Variants in CEP170 observed in about 807,000 individuals in gnomAD.
CEP170 encodes the protein centrosomal protein 170.
In CEP170, 21 loss-of-function variants were observed where a neutral mutation model predicts 151.9. The ratio of observed to expected loss-of-function variants is 0.14; its 90% CI spans 0.10 to 0.20. CEP170 has a LOEUF of 0.20. CEP170 is among the 10% of genes least tolerant of loss of function. CEP170 has a pLI of 1.00. For missense variants in CEP170, 964 were observed against 1,892.9 expected (o/e 0.51, Z 9.11); for synonymous variants, 356 against 648.8 (o/e 0.55, Z 6.86).
chr1:243,161,672 T>C (rs1257536051), intron 13 of CEP170, among the ~76,000 whole-genome samples: 2 of 151,956 alleles, frequency 1.3e-5, no homozygotes, highest in East Asian at 3.9e-4. Flanking sequence ...AAATATGGAA[T>C]TGGAAACATT....
chr1:243,136,410 C>T (rs998765087), intron 16 of CEP170, 179 bp from the exon 17 acceptor site: 6 of 863,252 alleles, frequency 7.0e-6, no homozygotes, highest in Non-Finnish European at 1.0e-5. Flanking sequence ...GAAAGAAACA[C>T]TATTAACAAA....
intron 3 of CEP170, among the ~76,000 whole-genome samples, chr1:243,214,994 A>G (rs2062140791): frequency 6.6e-6 from 1 of 152,244 alleles, no homozygotes; most frequent in South Asian, 2.1e-4. Flanking sequence ...GCAGAAGAAC[A>G]TAAATTGTGA....
At chr1:243,171,042 G>A (rs1230725707) in intron 11 of CEP170, among the ~76,000 whole-genome samples, 1 of 152,144 alleles carries the variant, frequency 6.6e-6, no homozygotes, top group African/African-American at 2.4e-5. Flanking sequence ...GGTAATGTTA[G>A]GTAATTCCTA....
chr1:243,168,905 C>T (rs1054366290), intron 12 of CEP170, among the ~76,000 whole-genome samples: 10 of 151,524 alleles, frequency 6.6e-5, no homozygotes, highest in African/African-American at 2.4e-4. Flanking sequence ...ACTAAATGTA[C>T]CACATGAAGT....
intron 7 of CEP170, among the ~76,000 whole-genome samples, chr1:243,198,510 T>A (rs954035316): frequency 6.6e-6 from 1 of 152,072 alleles, no homozygotes; most frequent in African/African-American, 2.4e-5. Context: ...AATGTTCATT[T>A]AAAAATATGA....
intron 10 of CEP170, among the ~76,000 whole-genome samples, chr1:243,180,470 T>C (rs192634735): frequency 2.0e-4 from 31 of 152,308 alleles, no homozygotes; most frequent in Admixed American, 1.2e-3. Context: ...AAATTCTCAA[T>C]ACAGAAAAAA....
chr1:243,251,135 C>T (rs2065899971), intron 1 of CEP170, among the ~76,000 whole-genome samples: 1 of 152,300 alleles, frequency 6.6e-6, no homozygotes, highest in African/African-American at 2.4e-5. Context: ...ATAGTAAAAG[C>T]AGCTACTAGC....
chr1:243,230,339 G>A (rs1260900528), intron 1 of CEP170, among the ~76,000 whole-genome samples: 1 of 131,812 alleles, frequency 7.6e-6, no homozygotes, highest in Admixed American at 8.8e-5. Flanking sequence ...ACAAAATACA[G>A]TTCTCAAAAA....
At chr1:243,141,562 T>C (rs900195034) in intron 15 of CEP170, among the ~76,000 whole-genome samples, 4 of 152,228 alleles carry the variant, frequency 2.6e-5, no homozygotes, top group Non-Finnish European at 5.9e-5. Context: ...CAGAAGTTCA[T>C]TCTTTTAAAT....
At chr1:243,166,231 T>C in intron 12 of CEP170, 115 bp from the exon 13 acceptor site, 1 of 1,379,060 alleles carries the variant, frequency 7.3e-7, no homozygotes, top group Non-Finnish European at 9.7e-7. Flanking sequence ...GGCCCCTTAT[T>C]CCCCCAGGAT....
At chr1:243,208,863 A>G (rs1200053615) in intron 4 of CEP170, among the ~76,000 whole-genome samples, 1 of 152,118 alleles carries the variant, frequency 6.6e-6, no homozygotes, top group Non-Finnish European at 1.5e-5. Context: ...ATTCACAGTT[A>G]TATTTCCCAA....
At chr1:243,147,783 C>T (rs376810420) in intron 14 of CEP170, among the ~76,000 whole-genome samples, 2 of 151,792 alleles carry the variant, frequency 1.3e-5, no homozygotes, top group Non-Finnish European at 2.9e-5. Context: ...AGACAAGGAA[C>T]TTCTACGTAA....
chr1:243,137,514 C>T (rs1315698983), intron 16 of CEP170, among the ~76,000 whole-genome samples: 6 of 152,142 alleles, frequency 3.9e-5, no homozygotes, highest in Non-Finnish European at 8.8e-5. Flanking sequence ...CAGTGGCTCA[C>T]GCCTGTAATC....
intron 7 of CEP170, among the ~76,000 whole-genome samples, chr1:243,193,722 A>G (rs2060461948): frequency 6.6e-6 from 1 of 152,044 alleles, no homozygotes; most frequent in Non-Finnish European, 1.5e-5. Context: ...GCAGCAGACT[A>G]TGATCTGATG....
At chr1:243,141,740 C>T (rs187941188) in intron 15 of CEP170, among the ~76,000 whole-genome samples, 27 of 152,300 alleles carry the variant, frequency 1.8e-4, no homozygotes, top group Non-Finnish European at 3.4e-4. Context: ...GGGTAATAGT[C>T]TATACATGGT....
chr1:243,221,422 A>G (rs1052458037), intron 3 of CEP170: 1 of 299,152 alleles, frequency 3.3e-6, no homozygotes, highest in Admixed American at 5.1e-5. Flanking sequence ...GTTTTCCCTC[A>G]TATAAATTAC....
In CEP170 at chr1:243,165,910, T is replaced by C; in HGVS notation, c.2050A>G (p.Thr684Ala). The C allele has an allele frequency of 1.9e-6, 3 of 1,613,828 alleles. No homozygotes were observed. The highest frequency in any genetic ancestry group is 1.1e-5 in the South Asian group (1 of 91,082). ...TGTTTATCTTTCTGGTATACCTGTG[T>C]AGGTGTTTCTTTCTCCTGAAGTTCT... The part of the protein sequence containing the change: ...DTELQEKETP[T>A]QVYQKDKQDA... Residue 684 changes from threonine (T) to alanine (A), a missense_variant, in exon 13 of 20, where the codon ACA (threonine) becomes GCA (alanine). Physicochemically the swap from Thr to Ala is moderately conservative, Grantham distance 58. Transcript: ENST00000366542.
Position 243,164,929 on chromosome 1 carries a change from A to G in CEP170, c.3031T>C (p.Ser1011Pro), listed in dbSNP as rs771472266. The change falls in exon 13 of 20, where the codon TCC becomes CCC. Residue 1011 changes from serine (S) to proline (P), a missense_variant. Physicochemically the swap from Ser to Pro is moderately conservative, Grantham distance 74. Coordinates refer to ENST00000366542, the MANE Select transcript of CEP170 (RefSeq NM_014812.3). ...SRADGRKFVQSSGRIRQPSVD... is the reference protein window; with the variant it reads ...SRADGRKFVQPSGRIRQPSVD... ...GAGGGCTGTCTTATTCTCCCACTGGACTGAACAAATTTACGACCATCTGCT... is the reference window on the plus strand; with the variant it reads ...GAGGGCTGTCTTATTCTCCCACTGGGCTGAACAAATTTACGACCATCTGCT... The G allele has an allele frequency of 2.5e-6, 4 of 1,613,888 alleles. No individual in the cohort carries two copies. Among genetic ancestry groups the G allele is most frequent in the Non-Finnish European group, 3.4e-6 (4 of 1,179,740 alleles).
At chr1:243,236,068 A>G (rs913842045) in intron 1 of CEP170, among the ~76,000 whole-genome samples, 2 of 152,234 alleles carry the variant, frequency 1.3e-5, no homozygotes, top group Non-Finnish European at 2.9e-5. Context: ...TTTATCAAGT[A>G]CCTCCTTTGT....
Sources: gnomAD v4.1 joint callset for allele counts (sites outside exome capture counted in the v4.1 genomes callset) on GRCh38, gnomAD v4.1.1 for gene constraint, MANE v1.5 for transcripts, NCBI Gene and HGNC (gene_info 2026-07-23, HGNC 2026-07-21) for gene names.